Variants in BTNL8 observed in about 807,000 individuals in gnomAD.
The protein encoded by BTNL8 is butyrophilin like 8.
A neutral mutation model predicts 36.1 loss-of-function variants in BTNL8; 22 were observed. The observed-to-expected ratio is 0.61, with a 90% CI of 0.44 to 0.87. The LOEUF (loss-of-function observed/expected upper bound fraction) is 0.87. Among genes scored for constraint, BTNL8 ranks in the 40% least tolerant of loss-of-function variants. The pLI is 0.00. For synonymous variants in BTNL8, 203 were observed against 235.6 expected, an observed-to-expected ratio of 0.86 and a Z score of 1.27; for missense variants, 526 against 616.9, an observed-to-expected ratio of 0.85 and a Z score of 1.56.
At chr5:180,937,102 G>A (rs557426184) in intron 3 of BTNL8, among the ~76,000 whole-genome samples, 2 of 152,264 alleles carry the variant, frequency 1.3e-5, no homozygotes, top group South Asian at 2.1e-4. Context: ...CCCATTTGGT[G>A]TCCACCACTG....
At position 180,911,662 on chromosome 5, in the gene BTNL8, A is replaced by G. The variant is rs746616363; in HGVS notation, c.673+48A>G. ...GAGAAGGAGGGGTGGATGCTTCGGT[A>G]ACTCAGAGGGAGGACAGGAGCCTCC... On this transcript the variant is annotated intron_variant, in intron 3 of 7. Coordinates refer to ENST00000340184, the MANE Select transcript of BTNL8 (RefSeq NM_001040462.3). The G allele has an allele frequency of 2.5e-5, 39 of 1,537,226 alleles. No homozygotes were observed. The East Asian group carries it at 8.9e-4, about 35-fold the overall frequency.
At chr5:180,915,378 G>A (rs1410853350) in intron 3 of BTNL8, among the ~76,000 whole-genome samples, 1 of 152,256 alleles carries the variant, frequency 6.6e-6, no homozygotes, top group East Asian at 1.9e-4. Flanking sequence ...GCTGGATTGA[G>A]AGAAGGTGCA....
chr5:180,924,151 G>T (rs369659179), intron 3 of BTNL8, among the ~76,000 whole-genome samples: 2 of 152,216 alleles, frequency 1.3e-5, no homozygotes, highest in South Asian at 2.1e-4. Context: ...GCCAGCCTTG[G>T]GTTCTCTTTG....
chr5:180,909,531 C>G, intron 2 of BTNL8: 2 of 986,186 alleles, frequency 2.0e-6, no homozygotes, highest in Non-Finnish European at 2.4e-6. Context: ...ATCAGTTGCT[C>G]AATGCTCTGT....
chr5:180,944,404 G>A (rs960789296), intron 3 of BTNL8, among the ~76,000 whole-genome samples: 1 of 152,034 alleles, frequency 6.6e-6, no homozygotes, highest in Admixed American at 6.6e-5. Context: ...CATGTATCAC[G>A]ACATCACATT....
intron 1 of BTNL8, among the ~76,000 whole-genome samples, chr5:180,907,878 T>C (rs1194336656): frequency 2.0e-5 from 3 of 151,360 alleles, no homozygotes; most frequent in Non-Finnish European, 1.5e-5. Context: ...CTGCCAGTTC[T>C]CAGATCTCCA....
intron 3 of BTNL8, among the ~76,000 whole-genome samples, chr5:180,936,790 G>T (rs927018867): frequency 3.9e-5 from 6 of 152,176 alleles, no homozygotes; most frequent in African/African-American, 1.2e-4. Flanking sequence ...CCTGCCACAT[G>T]TGACTCCAGT....
At chr5:180,941,280 T>C (rs1012566714) in intron 3 of BTNL8, among the ~76,000 whole-genome samples, 1 of 152,096 alleles carries the variant, frequency 6.6e-6, no homozygotes, top group Non-Finnish European at 1.5e-5. Context: ...AGACTAATAA[T>C]GAGTAACAAG....
intron 1 of BTNL8, among the ~76,000 whole-genome samples, chr5:180,906,433 G>A (rs1195044212): frequency 8.2e-6 from 1 of 121,428 alleles, no homozygotes. Flanking sequence ...CGTGAGATGG[G>A]TTTCCTGAAT....
chr5:180,902,244 C>T, intron 1 of BTNL8: 1 of 1,048,338 alleles, frequency 9.5e-7, no homozygotes, highest in East Asian at 2.7e-5. Flanking sequence ...AATAGAACCT[C>T]CTGGAATCAA....
intron 3 of BTNL8, 69 bp downstream of exon 3, chr5:180,911,683 C>A (rs1757410679): frequency 2.1e-6 from 3 of 1,430,864 alleles, no homozygotes; most frequent in East Asian, 4.6e-5. Context: ...AGGACAGGAG[C>A]CTCCATCTTG....
chr5:180,907,168 C>T (rs1428310418), intron 1 of BTNL8, among the ~76,000 whole-genome samples: 2 of 121,052 alleles, frequency 1.7e-5, no homozygotes, highest in East Asian at 2.2e-4. Flanking sequence ...ACCAATCAGA[C>T]GTAGATTTGG....
At chr5:180,934,485 G>A (rs1758552136) in intron 3 of BTNL8, among the ~76,000 whole-genome samples, 1 of 152,208 alleles carries the variant, frequency 6.6e-6, no homozygotes, top group African/African-American at 2.4e-5. Context: ...GGGCGAGCCA[G>A]GCACAGAGCA....
rs757320411 is a variant in BTNL8, at chr5:180,947,515, C to T, written c.677C>T (p.Thr226Ile). Residue 226 changes from threonine (T) to isoleucine (I), a missense_variant, in exon 4 of 8, where the codon ACC becomes ATC. Transcript: ENST00000340184. ...TGTCTGTGGGATTGTTTTTCAGATA[C>T]CTTTTTCGAGCCTATATCGTGGCAC... The part of the protein sequence containing the change: ...EVESRVQIGD[T>I]FFEPISWHLA... The T allele has an allele frequency of 6.2e-7, 1 of 1,613,046 alleles. No individual in the cohort carries two copies. Among genetic ancestry groups the T allele is most frequent in the South Asian group, 1.1e-5 (1 of 91,070 alleles).
chr5:180,904,966 A>C (rs1757014308), intron 1 of BTNL8, among the ~76,000 whole-genome samples: 1 of 151,196 alleles, frequency 6.6e-6, no homozygotes, highest in South Asian at 2.1e-4. Context: ...ATGTTCATCA[A>C]GGATATTGGT....
At chr5:180,930,797 A>G (rs1758338377) in intron 3 of BTNL8, among the ~76,000 whole-genome samples, 1 of 152,106 alleles carries the variant, frequency 6.6e-6, no homozygotes, top group Admixed American at 6.6e-5. Flanking sequence ...ACCACTGCTC[A>G]AAGGAAATAA....
At chr5:180,948,303 T>A in intron 4 of BTNL8, 52 bp from the exon 5 acceptor site, 1 of 1,464,626 alleles carries the variant, frequency 6.8e-7, no homozygotes, top group Non-Finnish European at 9.4e-7. Context: ...GCGTCGTGTT[T>A]GTGCCTTGTA....
At chr5:180,902,476 GC>G in intron 1 of BTNL8, 1 of 1,443,412 alleles carries the variant, frequency 6.9e-7, no homozygotes, top group East Asian at 2.5e-5. Context: ...CACATCTCCA[GC>G]CCAGCCCAAT....
At chr5:180,907,117 T>G (rs1757115101) in intron 1 of BTNL8, among the ~76,000 whole-genome samples, 1 of 117,338 alleles carries the variant, frequency 8.5e-6, no homozygotes, top group Non-Finnish European at 1.7e-5. Context: ...CTGCAGAGTG[T>G]TTTCCAACTT....
Sources: gnomAD v4.1 joint callset for allele counts (sites outside exome capture counted in the v4.1 genomes callset) on GRCh38, gnomAD v4.1.1 for gene constraint, MANE v1.5 for transcripts, NCBI Gene and HGNC (gene_info 2026-07-23, HGNC 2026-07-21) for gene names.